Variants in COP1 observed in about 807,000 individuals in gnomAD.
COP1 encodes the protein E3 ubiquitin-protein ligase COP1.
COP1 carries 24 observed loss-of-function variants against 101.3 expected under a neutral mutation model. That is an observed-to-expected ratio of 0.24 (90% confidence interval 0.17 to 0.33). The LOEUF is 0.33. Ranked by LOEUF, COP1 falls within the 10% of genes least tolerant of loss-of-function variation. COP1 has a pLI of 1.00. For missense variants in COP1, 663 were observed against 906.2 expected (o/e 0.73, Z 3.45); for synonymous variants, 347 against 341.9 (o/e 1.01, Z -0.17).
intron 15 of COP1, among the ~76,000 whole-genome samples, chr1:175,998,088 AAAGAAAAT>A (rs1660687771): frequency 1.1e-5 from 1 of 93,716 alleles, no homozygotes; most frequent in Non-Finnish European, 2.5e-5. Flanking sequence ...AAAAAAAAAA[AAAGAAAAT>A]GTGGCACATA....
intron 6 of COP1, among the ~76,000 whole-genome samples, chr1:176,140,910 T>C (rs946605790): frequency 3.9e-5 from 6 of 152,180 alleles, no homozygotes; most frequent in Non-Finnish European, 7.4e-5. Flanking sequence ...CTCTTAACAC[T>C]GTGCCAAAGC....
chr1:176,196,294 A>G (rs1699687952), intron 1 of COP1, among the ~76,000 whole-genome samples: 1 of 152,156 alleles, frequency 6.6e-6, no homozygotes, highest in Admixed American at 6.5e-5. Context: ...AACAAACTAT[A>G]TAGAAAATCA....
At chr1:176,043,387 T>A in intron 13 of COP1, 120 bp from the exon 14 acceptor site, 1 of 627,490 alleles carries the variant, frequency 1.6e-6, no homozygotes, top group South Asian at 2.2e-5. Context: ...GACAACAGGC[T>A]AGAAAACAAA....
At chr1:175,982,286 G>A (rs1286301725) in intron 18 of COP1, 4 of 445,816 alleles carry the variant, frequency 9.0e-6, no homozygotes, top group African/African-American at 2.0e-5. Flanking sequence ...CAACCTAAGT[G>A]CCCATCAACA....
Position 176,022,792 on chromosome 1 carries a change from C to T in COP1, c.1729+4780G>A, listed in dbSNP as rs796484242. ...TCAATGTGCCCTCAGCATCCATTTC[C>T]ACCATCTTAAAGTGTTTACAACCTA... On this transcript the variant is annotated intron_variant, in intron 15 of 19. Coordinates refer to ENST00000367669, the MANE Select transcript of COP1 (RefSeq NM_022457.7). 9.2e-5 allele frequency among the ~76,000 whole-genome samples: 14 copies of T among 152,296 alleles called. 1 individual carries two copies. The highest frequency in any genetic ancestry group is 2.9e-4 in the African/African-American group (12 of 41,562).
At chr1:176,065,352 T>C (rs1675727636) in intron 11 of COP1, among the ~76,000 whole-genome samples, 1 of 152,200 alleles carries the variant, frequency 6.6e-6, no homozygotes. Context: ...AAGTTTTAAA[T>C]GTCTAAAAAT....
intron 3 of COP1, among the ~76,000 whole-genome samples, chr1:176,174,007 A>AAAAAAAAAAGAAAAG (rs1456552067): frequency 8.2e-6 from 1 of 121,932 alleles, no homozygotes; most frequent in Non-Finnish European, 1.8e-5. Flanking sequence ...AAAAAAAAAA[A>AAAAAAAAAAGAAAAG]AGAGAATATA....
intron 14 of COP1, among the ~76,000 whole-genome samples, chr1:176,030,768 CAG>C (rs1295748498): frequency 1.2e-4 from 18 of 152,136 alleles, no homozygotes; most frequent in African/African-American, 4.1e-4. Context: ...TTAAACAAAA[CAG>C]GTGTTAATTG....
At chr1:176,040,228 T>TC (rs1267114690) in intron 14 of COP1, among the ~76,000 whole-genome samples, 4 of 152,152 alleles carry the variant, frequency 2.6e-5, no homozygotes, top group African/African-American at 9.7e-5. Flanking sequence ...TTCTTTACTT[T>TC]CTTGCTCTTT....
At chr1:176,013,149 AT>A (rs1004400811) in intron 15 of COP1, among the ~76,000 whole-genome samples, 50 of 152,268 alleles carry the variant, frequency 3.3e-4, no homozygotes, top group Non-Finnish European at 1.0e-4. Flanking sequence ...GTTATACTGT[AT>A]TTCCAAAATT....
At chr1:176,092,669 T>C (rs1681544082) in intron 9 of COP1, among the ~76,000 whole-genome samples, 1 of 152,192 alleles carries the variant, frequency 6.6e-6, no homozygotes, top group Non-Finnish European at 1.5e-5. Context: ...TTATTACCAC[T>C]AAGGTGACAA....
chr1:176,035,707 G>GA (rs1669379152), intron 14 of COP1, among the ~76,000 whole-genome samples: 1 of 28,984 alleles, frequency 3.5e-5, no homozygotes, highest in African/African-American at 1.4e-4. Flanking sequence ...AATAAAACGA[G>GA]ACCAAAAAAA....
At chr1:176,015,903 G>A (rs1358118113) in intron 15 of COP1, among the ~76,000 whole-genome samples, 2 of 152,140 alleles carry the variant, frequency 1.3e-5, no homozygotes, top group Admixed American at 6.6e-5. Flanking sequence ...CCAGAAAAAG[G>A]AAAATTCTTC....
intron 5 of COP1, among the ~76,000 whole-genome samples, chr1:176,154,298 A>T (rs771809315): frequency 1.3e-5 from 2 of 152,198 alleles, no homozygotes; most frequent in Admixed American, 6.6e-5. Flanking sequence ...CAGGATACCC[A>T]AAGGAATACA....
At chr1:176,022,707 T>A (rs1311847457) in intron 15 of COP1, among the ~76,000 whole-genome samples, 2 of 151,902 alleles carry the variant, frequency 1.3e-5, no homozygotes, top group East Asian at 1.9e-4. Flanking sequence ...TTGGCCTCAC[T>A]GATGCCTTGC....
At position 175,996,585 on chromosome 1, in the gene COP1, G is replaced by A. The variant is rs1249957713; in HGVS notation, c.1730-7106C>T. ...CAAAATCAATGTACAAAAATCACAA[G>A]CATTCTTATACACCAATAACAGACA... On this transcript the variant is annotated intron_variant, in intron 15 of 19. Coordinates refer to ENST00000367669, the MANE Select transcript of COP1 (RefSeq NM_022457.7). 1.6e-4 allele frequency among the ~76,000 whole-genome samples: 25 copies of A among 152,036 alleles called. 1 individual carries two copies. The South Asian group carries it at 3.9e-3, about 24-fold the overall frequency.
At chr1:175,977,186 T>C (rs1654791962) in intron 18 of COP1, among the ~76,000 whole-genome samples, 1 of 152,196 alleles carries the variant, frequency 6.6e-6, no homozygotes, top group South Asian at 2.1e-4. Context: ...ATCCTGAAGA[T>C]AAATAAAAGT....
chr1:176,111,858 G>A (rs980014758), intron 9 of COP1, among the ~76,000 whole-genome samples: 2 of 152,036 alleles, frequency 1.3e-5, no homozygotes, highest in African/African-American at 4.8e-5. Flanking sequence ...AGAAATGAAG[G>A]GTAAGGCCTT....
intron 18 of COP1, among the ~76,000 whole-genome samples, chr1:175,953,304 G>T (rs548724354): frequency 6.6e-6 from 1 of 151,846 alleles, no homozygotes; most frequent in African/African-American, 2.4e-5. Context: ...AAAAAGAAAG[G>T]AAATGAGGAA....
Sources: gnomAD v4.1 joint callset for allele counts (sites outside exome capture counted in the v4.1 genomes callset) on GRCh38, gnomAD v4.1.1 for gene constraint, MANE v1.5 for transcripts, NCBI Gene and HGNC (gene_info 2026-07-23, HGNC 2026-07-21) for gene names.